Variants in ANO8 observed in about 807,000 individuals in gnomAD.
ANO8 encodes anoctamin 8.
Under a neutral mutation model 120.4 loss-of-function variants are expected in ANO8, and 67 were observed. The ratio of observed to expected loss-of-function variants is 0.56; its 90% CI spans 0.46 to 0.68. The LOEUF (loss-of-function observed/expected upper bound fraction) is 0.68, where lower values mean the gene tolerates loss of function less well. Among genes scored for constraint, ANO8 ranks in the 30% least tolerant of loss-of-function variants. The pLI is 0.00. For synonymous variants in ANO8, 727 were observed against 759.2 expected, an observed-to-expected ratio of 0.96 and a Z score of 0.70; for missense variants, 1,526 against 1,737.6, an observed-to-expected ratio of 0.88 and a Z score of 2.16.
At position 17,323,734 on chromosome 19, in the gene ANO8, C is replaced by T; in HGVS notation, c.3482G>A (p.Gly1161Asp). Reference protein sequence around the residue: ...WDGPWGCGGEGAAPRQALAAA... With the variant: ...WDGPWGCGGEDAAPRQALAAA... ...GGCCAGGGCCTGGCGGGGGGCGGCACCCTCGCCCCCGCAGCCCCAGGGCCC... is the reference window on the plus strand; with the variant it reads ...GGCCAGGGCCTGGCGGGGGGCGGCATCCTCGCCCCCGCAGCCCCAGGGCCC... Residue 1161 changes from glycine (G) to aspartate (D), a missense_variant, in exon 18 of 18, where the codon GGT becomes GAT. Physicochemically the swap from Gly to Asp is moderately conservative, Grantham distance 94. This residue lies in a region of ANO8 where 489 missense variants were observed against 548.6 expected (regional missense o/e 0.89). Coordinates refer to ENST00000159087, the MANE Select transcript of ANO8 (RefSeq NM_020959.3). 1 of 1,204,870 alleles carries T rather than the reference C, an allele frequency of 8.3e-7. No individual in the cohort carries two copies. The highest frequency in any genetic ancestry group is 1.0e-6 in the Non-Finnish European group (1 of 969,670). 74.6% of individuals were successfully genotyped at this position (1,204,870 alleles called of 1,614,324 possible).
In ANO8 at chr19:17,328,748, C is replaced by T. The variant is rs1294083135; in HGVS notation, c.1640G>A (p.Ser547Asn). 3 of 1,341,412 alleles carry T rather than the reference C, an allele frequency of 2.2e-6. No homozygotes were observed. The highest frequency in any genetic ancestry group is 6.2e-5 in the East Asian group (2 of 32,468). The allele number at this position is 1,341,412 out of a possible 1,614,324, so 83.1% of individuals were successfully genotyped here. A position where few individuals can be genotyped will look rare whatever the true frequency, so the allele number is the denominator to read the frequency against. The change falls in exon 13 of 18, where the codon AGC (serine) becomes AAC (asparagine). Residue 547 changes from serine (S) to asparagine (N), a missense_variant. Around this residue, in one of 8 missense-constraint regions of ANO8, gnomAD observed 467 missense variants for 425.8 expected, o/e 1.10. Transcript: ENST00000159087. ...GSGGGGRRCL[S>N]GGCGAPEEEE... is the part of the protein sequence containing the mutation. ...CTCCTCCGGCGCCCCGCAGCCCCCGCTGAGGCACCTGCGGCCCCCGCCCCC... is the reference window on the plus strand; with the variant it reads ...CTCCTCCGGCGCCCCGCAGCCCCCGTTGAGGCACCTGCGGCCCCCGCCCCC...
chr19:17,324,626 G>T, intron 17 of ANO8, 91 bp downstream of exon 17: 1 of 1,492,798 alleles, frequency 6.7e-7, no homozygotes, highest in Non-Finnish European at 8.9e-7. Context: ...GGCTTCCCCT[G>T]TCCCCTTCAG....
Position 17,328,155 on chromosome 19 carries a change from T to TGCGAGGCCCCGC in ANO8, c.2226+6_2226+7insGCGGGGCCTCGC. On this transcript the variant is annotated splice_region_variant and intron_variant, in intron 13 of 17. Coordinates refer to ENST00000159087, the MANE Select transcript of ANO8 (RefSeq NM_020959.3). ...CCGCCCCCTGCGAGGCCCCGCCCCC[T>TGCGAGGCCCCGC]CCTCACCTCGTACTTCTTCATACAG... 11 of 1,304,814 alleles carry TGCGAGGCCCCGC rather than the reference T, an allele frequency of 8.4e-6. No homozygotes were observed. The highest frequency in any genetic ancestry group is 2.2e-5 in the Admixed American group (1 of 45,634). The allele number at this position is 1,304,814 out of a possible 1,614,324, so 80.8% of individuals were successfully genotyped here. A position where few individuals can be genotyped will look rare whatever the true frequency, so the allele number is the denominator to read the frequency against.
chr19:17,325,156 C>T lies in ANO8; in HGVS notation c.2892G>A (p.Lys964=). 6.2e-7 allele frequency: 1 copy of T among 1,613,504 alleles called. No homozygotes were observed. Among genetic ancestry groups the T allele is most frequent in the Non-Finnish European group, 8.5e-7 (1 of 1,179,918 alleles). Residue 964 remains lysine, a synonymous_variant, in exon 17 of 18, where the codon AAG becomes AAA. Coordinates refer to ENST00000159087, the MANE Select transcript of ANO8 (RefSeq NM_020959.3). The part of the protein sequence containing the change: ...TAGGHGPERP[K]RPGSLLAPNN... ...TGGGTGCCAGCAGGGACCCTGGGCG[C>T]TTGGGCCGTTCAGGCCCGTGGCCAC... is the stretch of plus-strand genomic sequence containing the variant.
chr19:17,327,578 C>A lies in ANO8; in HGVS notation c.2419-9G>T, dbSNP rs756027211. The A allele has an allele frequency of 2.5e-6, 4 of 1,613,170 alleles. No homozygotes were observed. The Admixed American group carries it at 5.0e-5, about 20-fold the overall frequency. On this transcript the variant is annotated splice_polypyrimidine_tract_variant and intron_variant, in intron 14 of 17. Transcript: ENST00000159087. ...ATGGCCTCCATCACCTTCTGCAGGG[C>A]GGCAGGAGGGCTCAGGCGGGGTCCA...
Position 17,328,312 on chromosome 19 carries a change from G to C in ANO8, c.2076C>G (p.Asp692Glu). ...AGCCGGGTTCCGGGTCCGGGCCCCC[G>C]TCGGGCCCCTGGTCTCGGCCCTCGC... Reference protein sequence around the residue: ...AGGEGRDQGPDGGPDPEPGSN... With the variant: ...AGGEGRDQGPEGGPDPEPGSN... Residue 692 changes from aspartate to glutamate, a missense_variant, in exon 13 of 18, where the codon GAC becomes GAG. Around this residue, in one of 8 missense-constraint regions of ANO8, gnomAD observed 467 missense variants for 425.8 expected, o/e 1.10. Coordinates refer to ENST00000159087, the MANE Select transcript of ANO8 (RefSeq NM_020959.3). 1 of 1,598,930 alleles carries C rather than the reference G, an allele frequency of 6.3e-7. No homozygotes were observed. The highest frequency in any genetic ancestry group is 8.5e-7 in the Non-Finnish European group (1 of 1,174,834).
Position 17,328,151 on chromosome 19 carries a change from C to CCCCTGCGAGGCCCCGCT in ANO8, c.2226+10_2226+11insAGCGGGGCCTCGCAGGG. 6.5e-7 allele frequency: 1 copy of CCCCTGCGAGGCCCCGCT among 1,549,294 alleles called. No homozygotes were observed. The highest frequency in any genetic ancestry group is 8.7e-7 in the Non-Finnish European group (1 of 1,146,064). The stretch of plus-strand genomic sequence containing the variant: ...GGCCCCGCCCCCTGCGAGGCCCCGC[C>CCCCTGCGAGGCCCCGCT]CCCTCCTCACCTCGTACTTCTTCAT... On this transcript the variant is annotated intron_variant, in intron 13 of 17. Coordinates refer to ENST00000159087, the MANE Select transcript of ANO8 (RefSeq NM_020959.3).
In ANO8 at chr19:17,333,547, G is replaced by T; in HGVS notation, c.225C>A (p.Thr75=). The change falls in exon 3 of 18, where the codon ACC becomes ACA. Residue 75 remains threonine, a synonymous_variant. Coordinates refer to ENST00000159087, the MANE Select transcript of ANO8 (RefSeq NM_020959.3). The surrounding 1 kb of genome is among the most constrained non-coding windows in gnomAD (Gnocchi z 7.2). ...GCAGCCATAGCAGCGTGTGGTCATC[G>T]GTCGTGTCTGCCAAGGGGCACAGGG... ...CDVLMTFPDT[T]DDHTLLWLLN... is the part of the protein sequence containing the mutation. 6.2e-7 allele frequency: 1 copy of T among 1,612,756 alleles called. No individual in the cohort carries two copies. The highest frequency in any genetic ancestry group is 8.5e-7 in the Non-Finnish European group (1 of 1,179,970).
intron 17 of ANO8, among the ~76,000 whole-genome samples, chr19:17,324,370 C>G (rs1020973126): frequency 2.0e-5 from 3 of 152,024 alleles, no homozygotes; most frequent in African/African-American, 4.8e-5. Context: ...CAAGTCCCCC[C>G]CAAGAGTGAG....
chr19:17,332,982 G>A lies in ANO8; in HGVS notation c.534C>T (p.Ala178=). 2 of 1,614,168 alleles carry A rather than the reference G, an allele frequency of 1.2e-6. No individual in the cohort carries two copies. The highest frequency in any genetic ancestry group is 1.7e-6 in the Non-Finnish European group (2 of 1,180,036). ...IIRFWLQNLR[A]KQGEALHNVR... is the part of the protein sequence containing the mutation. ...CGTTGTGGAGTGCTTCTCCCTGCTT[G>A]GCACGCAAATTCTGCAGCCAGAAGC... Residue 178 remains alanine, a synonymous_variant, in exon 5 of 18, where the codon GCC becomes GCT. Transcript: ENST00000159087.
chr19:17,333,125 G>C lies in ANO8; in HGVS notation c.465C>G (p.Ser155Arg), dbSNP rs757528540. Residue 155 changes from serine (S) to arginine (R), a missense_variant, in exon 4 of 18, where the codon AGC becomes AGG. Coordinates refer to ENST00000159087, the MANE Select transcript of ANO8 (RefSeq NM_020959.3). The surrounding 1 kb of genome is among the most constrained non-coding windows in gnomAD (Gnocchi z 7.2). ...CCTGGGAGGTGAAGAAGCGTAGCTCGCTCTCCACATTCTCATAGATAAAGT... is the reference window on the plus strand; with the variant it reads ...CCTGGGAGGTGAAGAAGCGTAGCTCCCTCTCCACATTCTCATAGATAAAGT... ...EEDFIYENVE[S>R]ELRFFTSQER... 1.2e-6 allele frequency: 2 copies of C among 1,613,952 alleles called. No individual in the cohort carries two copies. Among genetic ancestry groups the C allele is most frequent in the African/African-American group, 2.7e-5 (2 of 74,952 alleles).
rs772873317 is a variant in ANO8, at chr19:17,329,843, A to C, written c.1330-12T>G. 6.2e-7 allele frequency: 1 copy of C among 1,613,748 alleles called. No homozygotes were observed. Among genetic ancestry groups the C allele is most frequent in the African/African-American group, 1.3e-5 (1 of 74,898 alleles). On this transcript the variant is annotated splice_polypyrimidine_tract_variant and intron_variant, in intron 11 of 17. Transcript: ENST00000159087. Reference sequence around the variant, plus strand: ...TTGACAAACTGGAACTGCAGGAAGGAGGCAGGCGGTGGTCATCCTGCACCC... The same window carrying C: ...TTGACAAACTGGAACTGCAGGAAGGCGGCAGGCGGTGGTCATCCTGCACCC...
chr19:17,334,582 G>C lies in ANO8; in HGVS notation c.89C>G (p.Pro30Arg), dbSNP rs1449764030. The change falls in exon 1 of 18, where the codon CCG becomes CGG. Residue 30 changes from proline (P) to arginine (R), a missense_variant. Coordinates refer to ENST00000159087, the MANE Select transcript of ANO8 (RefSeq NM_020959.3). Reference protein sequence around the residue: ...RPPPEGEPAAPASGVLDKLFG... With the variant: ...RPPPEGEPAARASGVLDKLFG... Reference sequence around the variant, plus strand: ...ACACATACCCAGAACTCCGGACGCCGGGGCTGCAGGCTCGCCCTCCGGCGG... The same window carrying C: ...ACACATACCCAGAACTCCGGACGCCCGGGCTGCAGGCTCGCCCTCCGGCGG... The C allele has an allele frequency of 6.4e-7, 1 of 1,552,502 alleles. No homozygotes were observed. Among genetic ancestry groups the C allele is most frequent in the South Asian group, 1.2e-5 (1 of 85,832 alleles).
In ANO8 at chr19:17,327,953, C is replaced by A. The variant is rs549420217; in HGVS notation, c.2227-73G>T. 1.2e-4 allele frequency: 193 copies of A among 1,558,232 alleles called. 1 individual carries two copies. In the East Asian group the frequency reaches 4.3e-3, roughly 35 times the overall value. On this transcript the variant is annotated intron_variant, in intron 13 of 17. Coordinates refer to ENST00000159087, the MANE Select transcript of ANO8 (RefSeq NM_020959.3). Reference sequence around the variant, plus strand: ...TCTTTCTCCCATTGAGCCCGCCTCCCTCAGATTATCCCATGTGGACCCAGG... The same window carrying A: ...TCTTTCTCCCATTGAGCCCGCCTCCATCAGATTATCCCATGTGGACCCAGG...
chr19:17,334,371 T>C (rs2074344632), intron 1 of ANO8, among the ~76,000 whole-genome samples, 194 bp downstream of exon 1: 1 of 151,994 alleles, frequency 6.6e-6, no homozygotes, highest in Non-Finnish European at 1.5e-5. Context: ...TGTCCGCGTC[T>C]CCGCGCCGGG....
intron 17 of ANO8, among the ~76,000 whole-genome samples, chr19:17,324,205 G>A (rs1156748130): frequency 6.6e-6 from 1 of 151,738 alleles, no homozygotes; most frequent in African/African-American, 2.4e-5. Context: ...TTGGGGCAGG[G>A]GAGGTGGTGG....
At position 17,328,648 on chromosome 19, in the gene ANO8, G is replaced by GC; in HGVS notation, c.1739dup (p.Lys581GlnfsTer41). The GC allele has an allele frequency of 1.3e-6, 2 of 1,489,676 alleles. No individual in the cohort carries two copies. Among genetic ancestry groups the GC allele is most frequent in the Non-Finnish European group, 1.8e-6 (2 of 1,113,466 alleles). 92.3% of individuals were successfully genotyped at this position (1,489,676 alleles called of 1,614,324 possible). ...CCTCGTCGTCCTCGTCCTCCTCCTT[G>GC]CCCCCTGGAGGCCCGTCCCCCTCCT... is the stretch of plus-strand genomic sequence containing the variant. On this transcript the variant is annotated frameshift_variant, in exon 13 of 18. Coordinates refer to ENST00000159087, the MANE Select transcript of ANO8 (RefSeq NM_020959.3). LOFTEE classifies it high-confidence loss of function.
chr19:17,327,507 G>A lies in ANO8; in HGVS notation c.2481C>T (p.Cys827=), dbSNP rs1202304441. 4 of 1,613,296 alleles carry A rather than the reference G, an allele frequency of 2.5e-6. No homozygotes were observed. Among genetic ancestry groups the A allele is most frequent in the East Asian group, 2.2e-5 (1 of 44,876 alleles). The change falls in exon 15 of 18, where the codon TGC becomes TGT. Residue 827 remains cysteine (C), a synonymous_variant. Coordinates refer to ENST00000159087, the MANE Select transcript of ANO8 (RefSeq NM_020959.3). Reference sequence around the variant, plus strand: ...AGGGGAAGAGGCGCTGCAGCTGCCCGCACTGGCCGATTAAGTAGCAGTTGA... The same window carrying A: ...AGGGGAAGAGGCGCTGCAGCTGCCCACACTGGCCGATTAAGTAGCAGTTGA... ...IVVNCYLIGQ[C]GQLQRLFPWL...
At chr19:17,327,907 G>A (rs757931982) in intron 13 of ANO8, 27 bp from the exon 14 acceptor site, 41 of 1,604,374 alleles carry the variant, frequency 2.6e-5, no homozygotes, top group Admixed American at 3.4e-5. Context: ...CTCAGACCTG[G>A]AAGCCTCTTC....
Sources: gnomAD v4.1 joint callset for allele counts (sites outside exome capture counted in the v4.1 genomes callset) on GRCh38, gnomAD v4.1.1 for gene constraint, gnomAD v4.1.1 regional missense constraint, Gnocchi (gnomAD v3.1) non-coding constraint, MANE v1.5 for transcripts, NCBI Gene and HGNC (gene_info 2026-07-23, HGNC 2026-07-21) for gene names.